NALCN: variants seen among roughly 807,000 people sequenced by gnomAD.
NALCN encodes sodium leak channel, non-selective.
In NALCN, 111 loss-of-function variants were observed where a neutral mutation model predicts 225.3. The ratio of observed to expected loss-of-function variants is 0.49; its 90% CI spans 0.42 to 0.58. NALCN has a LOEUF of 0.58. Ranked by LOEUF, NALCN falls within the 20% of genes least tolerant of loss-of-function variation. NALCN has a pLI of 0.00. For synonymous variants in NALCN, 764 were observed against 769.0 expected (o/e 0.99, Z 0.11); for missense variants, 1,378 against 2,202.4 (o/e 0.63, Z 7.49).
intron 7 of NALCN, among the ~76,000 whole-genome samples, chr13:101,300,363 T>TTCCTTCC (rs1555331934): frequency 1.2e-3 from 24 of 19,864 alleles, no homozygotes; most frequent in East Asian, 2.8e-3. Context: ...TCTTTCTTTC[T>TTCCTTCC]TTCTTTCCTT....
chr13:101,323,229 T>G (rs1317098113), intron 7 of NALCN, among the ~76,000 whole-genome samples: 2 of 152,226 alleles, frequency 1.3e-5, no homozygotes, highest in African/African-American at 4.8e-5. Flanking sequence ...TTTGGAATAG[T>G]AGGTAGAGAC....
intron 7 of NALCN, among the ~76,000 whole-genome samples, chr13:101,320,181 A>G (rs1046589035): frequency 6.6e-6 from 1 of 152,230 alleles, no homozygotes; most frequent in African/African-American, 2.4e-5. Flanking sequence ...AACAACAATA[A>G]CAAAGCAAGT....
In NALCN at chr13:101,104,612, A is replaced by C; in HGVS notation, c.2675T>G (p.Met892Arg). ...GCAAGAGCAGATGGTTACGATGATC[A>C]TGACCCAGTCCAGGTAAGTGACCAA... ...LGLVTYLDWV[M>R]IIVTICSCIS... The change falls in exon 24 of 44, where the codon ATG becomes AGG. Residue 892 changes from methionine (M) to arginine (R), a missense_variant. This residue lies in a region of NALCN where 292 missense variants were observed against 409.5 expected (regional missense o/e 0.71). Transcript: ENST00000251127. This position sits in a 1 kb window ranked among gnomAD's most constrained non-coding sequence, Gnocchi z 4.2. The C allele has an allele frequency of 6.2e-7, 1 of 1,614,012 alleles. No individual in the cohort carries two copies. Among genetic ancestry groups the C allele is most frequent in the Non-Finnish European group, 8.5e-7 (1 of 1,179,906 alleles).
intron 18 of NALCN, among the ~76,000 whole-genome samples, chr13:101,114,146 T>C (rs1162483124): frequency 6.6e-6 from 1 of 152,148 alleles, no homozygotes; most frequent in African/African-American, 2.4e-5. Context: ...AAACATAAGC[T>C]TTAAAAGCAC....
intron 11 of NALCN, 22 bp downstream of exon 11, chr13:101,258,421 T>C: frequency 6.2e-7 from 1 of 1,613,878 alleles, no homozygotes; most frequent in Non-Finnish European, 8.5e-7. Context: ...CCCAGCGATC[T>C]GCACGGTGGA....
At chr13:101,230,386 C>G (rs976205106) in intron 12 of NALCN, among the ~76,000 whole-genome samples, 3 of 152,198 alleles carry the variant, frequency 2.0e-5, no homozygotes, top group Non-Finnish European at 4.4e-5. Context: ...TATCCATTTT[C>G]TCTTTCCTCC....
intron 7 of NALCN, among the ~76,000 whole-genome samples, chr13:101,313,103 T>C (rs1474481001): frequency 1.3e-5 from 2 of 152,152 alleles, no homozygotes; most frequent in East Asian, 1.9e-4. Context: ...ATTTAATAAA[T>C]GGTGCTGGGA....
At chr13:101,090,475 A>G (rs1594182689) in intron 28 of NALCN, among the ~76,000 whole-genome samples, 1 of 152,234 alleles carries the variant, frequency 6.6e-6, no homozygotes, top group Non-Finnish European at 1.5e-5. Context: ...ACTTTATTTC[A>G]CTTTGTGTCA....
chr13:101,158,806 G>A (rs1245682714), intron 15 of NALCN, among the ~76,000 whole-genome samples: 1 of 152,144 alleles, frequency 6.6e-6, no homozygotes, highest in African/African-American at 2.4e-5. Context: ...TTGCGCTTTG[G>A]CAAAGGAGGA....
At chr13:101,118,550 A>G (rs774125741) in intron 18 of NALCN, among the ~76,000 whole-genome samples, 8 of 152,296 alleles carry the variant, frequency 5.3e-5, no homozygotes, top group Non-Finnish European at 8.8e-5. Context: ...GTCTGAATAC[A>G]GTTAATTTTC....
intron 13 of NALCN, among the ~76,000 whole-genome samples, chr13:101,215,626 T>C (rs1481182870): frequency 6.6e-6 from 1 of 152,122 alleles, no homozygotes; most frequent in Non-Finnish European, 1.5e-5. Flanking sequence ...CCTGCTTTCT[T>C]GATGGCTGTT....
intron 30 of NALCN, among the ~76,000 whole-genome samples, chr13:101,084,369 T>C (rs1331449134): frequency 6.6e-6 from 1 of 152,198 alleles, no homozygotes; most frequent in Non-Finnish European, 1.5e-5. Flanking sequence ...ATTAAAATTA[T>C]ATTATATTGT....
chr13:101,327,491 C>T (rs189792382), intron 7 of NALCN, among the ~76,000 whole-genome samples: 153 of 152,186 alleles, frequency 1.0e-3, no homozygotes, highest in African/African-American at 2.8e-3. Flanking sequence ...AAATTTAACC[C>T]AGATTCAGTG....
intron 6 of NALCN, among the ~76,000 whole-genome samples, chr13:101,347,106 G>C (rs1173102285): frequency 6.6e-6 from 1 of 150,782 alleles, no homozygotes; most frequent in Non-Finnish European, 1.5e-5. Flanking sequence ...TTAGCTATTT[G>C]CTGCCACCAC....
chr13:101,321,644 A>C (rs2139194017), intron 7 of NALCN, among the ~76,000 whole-genome samples: 1 of 152,288 alleles, frequency 6.6e-6, no homozygotes, highest in African/African-American at 2.4e-5. Flanking sequence ...CACACACACA[A>C]AAGGCATCAA....
At chr13:101,389,580 C>T (rs1318598378) in intron 3 of NALCN, among the ~76,000 whole-genome samples, 1 of 152,134 alleles carries the variant, frequency 6.6e-6, no homozygotes, top group Non-Finnish European at 1.5e-5. Context: ...CAGCAGAGCT[C>T]AGAACCTGAC....
At chr13:101,098,170 C>G (rs1225432571) in intron 27 of NALCN, among the ~76,000 whole-genome samples, 1 of 152,124 alleles carries the variant, frequency 6.6e-6, no homozygotes, top group Non-Finnish European at 1.5e-5. Flanking sequence ...AATCCCACCT[C>G]CTCCCTGAAG....
In NALCN at chr13:101,232,437, ATTCTT is replaced by A. The variant is rs775195016; in HGVS notation, c.1435-2858_1435-2854del. On this transcript the variant is annotated intron_variant, in intron 12 of 43. Transcript: ENST00000251127. ...GCAGCTACCAATTTTTCCTGCTGTAATTCTTTTCTTTTCTTTTTTTTTTTTTGTGA... is the reference window on the plus strand; with the variant it reads ...GCAGCTACCAATTTTTCCTGCTGTAATTCTTTTCTTTTTTTTTTTTTGTGA... Among the ~76,000 whole-genome samples, 14 of 147,676 alleles carry A rather than the reference ATTCTT, an allele frequency of 9.5e-5. No homozygotes were observed. The South Asian group carries it at 2.6e-3, about 28-fold the overall frequency.
intron 13 of NALCN, among the ~76,000 whole-genome samples, chr13:101,209,027 A>G (rs1339323996): frequency 6.6e-6 from 1 of 152,130 alleles, no homozygotes; most frequent in African/African-American, 2.4e-5. Context: ...TTGTAGCCTT[A>G]TATGTTTTCT....
Sources: allele counts gnomAD v4.1 joint callset (sites outside exome capture counted in the v4.1 genomes callset), GRCh38; gene constraint gnomAD v4.1.1; regional missense constraint gnomAD v4.1.1; non-coding constraint Gnocchi (gnomAD v3.1); transcripts MANE v1.5; gene names NCBI Gene and HGNC (gene_info 2026-07-23, HGNC 2026-07-21).